Variants in SHB observed in about 807,000 individuals in gnomAD.
SHB encodes SH2 domain containing adaptor protein B, also known as SH2 domain-containing adapter protein B.
In SHB, 20 loss-of-function variants were observed where a neutral mutation model predicts 52.3. The ratio of observed to expected loss-of-function variants is 0.38; its 90% CI spans 0.27 to 0.56. The LOEUF is 0.56. Among genes scored for constraint, SHB ranks in the 20% least tolerant of loss-of-function variants. The probability of loss-of-function intolerance (pLI) is 0.71; values close to 1 mark genes in which losing one functional copy is unlikely to be tolerated. For missense variants in SHB, 825 were observed against 723.3 expected (o/e 1.14, Z -1.61); for synonymous variants, 397 against 316.5 (o/e 1.25, Z -2.70).
chr9:38,028,805 G>A (rs983502425), intron 1 of SHB, among the ~76,000 whole-genome samples: 1 of 152,182 alleles, frequency 6.6e-6, no homozygotes, highest in African/African-American at 2.4e-5. Flanking sequence ...TAACATCAAA[G>A]AAATGTGTTT....
At chr9:38,016,557 G>T (rs938265777) in intron 1 of SHB, among the ~76,000 whole-genome samples, 5 of 152,232 alleles carry the variant, frequency 3.3e-5, no homozygotes, top group African/African-American at 1.2e-4. Flanking sequence ...CCTGGTGCTG[G>T]CTGAGGCACA....
intron 1 of SHB, among the ~76,000 whole-genome samples, chr9:38,047,068 G>A (rs978300560): frequency 1.3e-5 from 2 of 152,230 alleles, no homozygotes; most frequent in Non-Finnish European, 2.9e-5. Flanking sequence ...CAGTGTTTCA[G>A]GTTCAGTGCC....
chr9:38,008,644 C>T (rs900672788), intron 2 of SHB, among the ~76,000 whole-genome samples: 1 of 152,198 alleles, frequency 6.6e-6, no homozygotes, highest in Non-Finnish European at 1.5e-5. Flanking sequence ...GTGCACAACC[C>T]TCTCTGGGCC....
intron 2 of SHB, among the ~76,000 whole-genome samples, chr9:38,013,574 A>G (rs1355224174): frequency 1.3e-5 from 2 of 152,250 alleles, no homozygotes; most frequent in Non-Finnish European, 2.9e-5. Context: ...ACTGTACTCC[A>G]GCCTGGGCAA....
chr9:38,003,756 C>CA (rs1199261520), intron 2 of SHB, among the ~76,000 whole-genome samples: 1 of 152,222 alleles, frequency 6.6e-6, no homozygotes, highest in Non-Finnish European at 1.5e-5. Context: ...CTCAGTGGCT[C>CA]AGCACTAACC....
At position 37,956,061 on chromosome 9, in the gene SHB, GGAGA is replaced by G. The variant is rs1257895508; in HGVS notation, c.1055-11_1055-8del. On this transcript the variant is annotated splice_region_variant and splice_polypyrimidine_tract_variant and intron_variant, in intron 3 of 5. Coordinates refer to ENST00000377707, the MANE Select transcript of SHB (RefSeq NM_003028.3). Reference sequence around the variant, plus strand: ...TCGTTGCCATTAAACTGTGCTGTGGGGAGAGAGAGAAAGTGCAGGGTTAGCAGAG... The same window carrying G: ...TCGTTGCCATTAAACTGTGCTGTGGGGAGAGAAAGTGCAGGGTTAGCAGAG... 3.5e-5 allele frequency: 55 copies of G among 1,554,688 alleles called. No individual in the cohort carries two copies. Among genetic ancestry groups the G allele is most frequent in the Non-Finnish European group, 4.4e-5 (51 of 1,148,622 alleles).
At chr9:37,923,273 G>A (rs1490794254) in intron 5 of SHB, among the ~76,000 whole-genome samples, 1 of 152,228 alleles carries the variant, frequency 6.6e-6, no homozygotes. Flanking sequence ...CCTCCACGCT[G>A]ATCTTCCGCC....
chr9:38,032,847 T>G (rs1480737487), intron 1 of SHB, among the ~76,000 whole-genome samples: 1 of 152,068 alleles, frequency 6.6e-6, no homozygotes, highest in Non-Finnish European at 1.5e-5. Flanking sequence ...ACACCAAACC[T>G]CTGCACATGG....
chr9:37,991,917 G>A lies in SHB; in HGVS notation c.839-17080C>T, dbSNP rs372626320. On this transcript the variant is annotated intron_variant, in intron 2 of 5. Transcript: ENST00000377707. ...CTGAAGGGGTTACAGGCAGCACCAC[G>A]ACAGGTTCTTTCCCACAGATTAACA... Among the ~76,000 whole-genome samples the A allele has an allele frequency of 5.9e-5, 9 of 152,292 alleles. No homozygotes were observed. In the East Asian group the frequency reaches 7.7e-4, roughly 13 times the overall value.
At chr9:38,046,215 C>G (rs1298426983) in intron 1 of SHB, among the ~76,000 whole-genome samples, 1 of 152,108 alleles carries the variant, frequency 6.6e-6, no homozygotes, top group Non-Finnish European at 1.5e-5. Flanking sequence ...CTAATGTTTT[C>G]AGCCAGGGTT....
chr9:37,963,089 C>A (rs907388347), intron 3 of SHB, among the ~76,000 whole-genome samples: 1 of 152,148 alleles, frequency 6.6e-6, no homozygotes, highest in East Asian at 1.9e-4. Context: ...CCTTCCCCGG[C>A]GGAGGTGCAG....
rs1456447420 is a variant in SHB, at chr9:37,916,531, G to A, written c.*3290C>T. On this transcript the variant is annotated 3_prime_UTR_variant, in exon 6 of 6. Coordinates refer to ENST00000377707, the MANE Select transcript of SHB (RefSeq NM_003028.3). ...AGCCTGCAGCTCCACCCTGTTGACC[G>A]GACGCCTTGCGGGTAGCTGCTTCAG... Among the ~76,000 whole-genome samples the A allele has an allele frequency of 6.6e-6, 1 of 152,232 alleles. No individual in the cohort carries two copies. The highest frequency in any genetic ancestry group is 2.4e-5 in the African/African-American group (1 of 41,464).
At chr9:37,947,524 A>G (rs566455316) in intron 5 of SHB, among the ~76,000 whole-genome samples, 1 of 151,508 alleles carries the variant, frequency 6.6e-6, no homozygotes, top group Admixed American at 6.6e-5. Context: ...CTCTAGGTGG[A>G]CTCCCACAGC....
At chr9:37,926,632 C>G (rs751028777) in intron 5 of SHB, among the ~76,000 whole-genome samples, 2 of 152,318 alleles carry the variant, frequency 1.3e-5, no homozygotes, top group African/African-American at 4.8e-5. Context: ...GGCAGACACA[C>G]GACCCCGTTC....
chr9:37,958,452 C>T (rs368621588), intron 3 of SHB, among the ~76,000 whole-genome samples: 10 of 152,322 alleles, frequency 6.6e-5, no homozygotes, highest in East Asian at 3.9e-4. Flanking sequence ...AATTAAGCTT[C>T]CAGAAAGCAG....
At chr9:38,048,374 A>G (rs1212433840) in intron 1 of SHB, among the ~76,000 whole-genome samples, 1 of 152,212 alleles carries the variant, frequency 6.6e-6, no homozygotes, top group Non-Finnish European at 1.5e-5. Flanking sequence ...CAGTTGCAGC[A>G]GCTCATGCCA....
intron 2 of SHB, among the ~76,000 whole-genome samples, chr9:38,010,088 A>T (rs4878734): frequency 0.5 from 76,072 of 151,996 alleles, 19,086 homozygotes; most frequent in Middle Eastern, 0.55. Context: ...AGGACAGATG[A>T]GAGAGTGTTT....
chr9:38,017,995 G>A (rs912138081), intron 1 of SHB, among the ~76,000 whole-genome samples: 1 of 152,182 alleles, frequency 6.6e-6, no homozygotes, highest in African/African-American at 2.4e-5. Context: ...ACATCCAAAT[G>A]GAGAAAATGA....
intron 3 of SHB, among the ~76,000 whole-genome samples, chr9:37,974,301 C>T (rs914979279): frequency 3.9e-5 from 6 of 152,046 alleles, no homozygotes; most frequent in Non-Finnish European, 8.8e-5. Flanking sequence ...GAACTCTTGG[C>T]TTCAGTGAGC....
Sources: allele counts gnomAD v4.1 joint callset (sites outside exome capture counted in the v4.1 genomes callset), GRCh38; gene constraint gnomAD v4.1.1; transcripts MANE v1.5; gene names NCBI Gene and HGNC (gene_info 2026-07-23, HGNC 2026-07-21).